The following TBC1D5 variants were observed in gnomAD, a reference collection of about 807,000 sequenced individuals.
TBC1D5 encodes the protein TBC1 domain family member 5, also known as TBC1 domain family, member 5.
A neutral mutation model predicts 100.3 loss-of-function variants in TBC1D5; 75 were observed. The ratio of observed to expected loss-of-function variants is 0.75; its 90% CI spans 0.62 to 0.91. The LOEUF is 0.91. Among genes scored for constraint, TBC1D5 ranks in the 40% least tolerant of loss-of-function variants. TBC1D5 has a pLI of 0.00. For missense variants in TBC1D5, 910 were observed against 942.4 expected (o/e 0.97, Z 0.45); for synonymous variants, 323 against 325.6 (o/e 0.99, Z 0.09).
intron 1 of TBC1D5, among the ~76,000 whole-genome samples, chr3:17,656,487 A>G (rs2066074639): frequency 1.3e-5 from 2 of 152,206 alleles, no homozygotes; most frequent in Non-Finnish European, 2.9e-5. Context: ...AGTTTATTTG[A>G]TATGTTCCCT....
intron 2 of TBC1D5, among the ~76,000 whole-genome samples, chr3:17,534,843 G>A (rs2096267440): frequency 6.6e-6 from 1 of 152,144 alleles, no homozygotes; most frequent in Non-Finnish European, 1.5e-5. Flanking sequence ...AGGGGGAGTA[G>A]TCCCACTTAA....
At chr3:17,671,831 G>C (rs1049162627) in intron 1 of TBC1D5, among the ~76,000 whole-genome samples, 1 of 152,162 alleles carries the variant, frequency 6.6e-6, no homozygotes, top group Non-Finnish European at 1.5e-5. Flanking sequence ...TTAAAACAGA[G>C]ATCATTTTTG....
intron 1 of TBC1D5, chr3:17,699,887 T>C (rs969914357): frequency 1.3e-5 from 2 of 151,796 alleles, no homozygotes; most frequent in African/African-American, 2.4e-5. Context: ...TACTTTAAAA[T>C]GGAAGTGAGA....
At chr3:17,301,452 C>T (rs2150377704) in intron 14 of TBC1D5, among the ~76,000 whole-genome samples, 1 of 152,316 alleles carries the variant, frequency 6.6e-6, no homozygotes, top group East Asian at 1.9e-4. Context: ...CAAATCCACC[C>T]CTCCAAGGTC....
chr3:17,674,836 A>G (rs2068417677), intron 1 of TBC1D5, among the ~76,000 whole-genome samples: 1 of 152,112 alleles, frequency 6.6e-6, no homozygotes, highest in Non-Finnish European at 1.5e-5. Context: ...AAATAAGGTC[A>G]CAAGGTGGGG....
At chr3:17,348,366 T>C (rs1221674903) in intron 13 of TBC1D5, among the ~76,000 whole-genome samples, 7 of 152,212 alleles carry the variant, frequency 4.6e-5, no homozygotes, top group African/African-American at 1.7e-4. Context: ...GCAAATCTCC[T>C]GGGCATCTTG....
chr3:17,445,596 T>C (rs2094771874), intron 3 of TBC1D5, among the ~76,000 whole-genome samples: 1 of 152,160 alleles, frequency 6.6e-6, no homozygotes, highest in Admixed American at 6.5e-5. Flanking sequence ...GGTCCAACAA[T>C]AGGTGAGAAT....
chr3:17,450,272 A>G (rs116186944), intron 3 of TBC1D5, among the ~76,000 whole-genome samples: 13,869 of 152,222 alleles, frequency 0.091, 1,430 homozygotes, highest in African/African-American at 0.26. Flanking sequence ...CCACGAAGAT[A>G]AGGAAAAAAC....
chr3:17,666,496 C>T (rs944331991), intron 1 of TBC1D5, among the ~76,000 whole-genome samples: 2 of 152,106 alleles, frequency 1.3e-5, no homozygotes, highest in African/African-American at 4.8e-5. Flanking sequence ...ATTATAAGCA[C>T]TCAAATAATT....
intron 2 of TBC1D5, among the ~76,000 whole-genome samples, chr3:17,595,289 G>C (rs889560672): frequency 6.6e-6 from 1 of 151,986 alleles, no homozygotes; most frequent in Non-Finnish European, 1.5e-5. Flanking sequence ...GAATACACTG[G>C]GTTAGAAATA....
chr3:17,424,645 A>G (rs990311854), intron 4 of TBC1D5, among the ~76,000 whole-genome samples: 15 of 152,202 alleles, frequency 9.9e-5, no homozygotes, highest in African/African-American at 3.6e-4. Context: ...AAATTTTCCA[A>G]AACAATATCT....
At chr3:17,585,345 A>C (rs2096726392) in intron 2 of TBC1D5, among the ~76,000 whole-genome samples, 1 of 152,234 alleles carries the variant, frequency 6.6e-6, no homozygotes, top group African/African-American at 2.4e-5. Flanking sequence ...CAGGATGCAC[A>C]TACAATTTAG....
intron 3 of TBC1D5, among the ~76,000 whole-genome samples, chr3:17,455,030 C>T (rs1450009745): frequency 6.6e-6 from 1 of 151,364 alleles, no homozygotes; most frequent in Non-Finnish European, 1.5e-5. Flanking sequence ...AAGCAGTCTG[C>T]AGATTCAATG....
intron 1 of TBC1D5, among the ~76,000 whole-genome samples, chr3:17,721,790 G>A (rs983228387): frequency 1.3e-5 from 2 of 152,056 alleles, no homozygotes; most frequent in African/African-American, 4.8e-5. Flanking sequence ...AGACCAGCCT[G>A]GGCAACATGG....
At chr3:17,356,822 G>A (rs547846677) in intron 13 of TBC1D5, among the ~76,000 whole-genome samples, 3 of 152,156 alleles carry the variant, frequency 2.0e-5, no homozygotes, top group Non-Finnish European at 4.4e-5. Context: ...TGGGTGTGGT[G>A]AGCTAGTCTC....
chr3:17,281,685 A>G (rs868466949), intron 15 of TBC1D5, among the ~76,000 whole-genome samples: 3 of 152,342 alleles, frequency 2.0e-5, no homozygotes, highest in South Asian at 2.1e-4. Flanking sequence ...GAGGGGACAG[A>G]TAAAATGTCA....
chr3:17,679,500 G>A (rs1270481507), intron 1 of TBC1D5, among the ~76,000 whole-genome samples: 1 of 151,368 alleles, frequency 6.6e-6, no homozygotes, highest in African/African-American at 2.5e-5. Context: ...TTAATGAGAT[G>A]CACAAATCTT....
intron 3 of TBC1D5, among the ~76,000 whole-genome samples, chr3:17,482,105 A>G (rs1218662308): frequency 6.6e-6 from 1 of 152,226 alleles, no homozygotes; most frequent in Admixed American, 6.5e-5. Flanking sequence ...CCTTCAGAAC[A>G]CAATTGTCTG....
chr3:17,692,120 C>A (rs2071265758), intron 1 of TBC1D5, among the ~76,000 whole-genome samples: 1 of 151,862 alleles, frequency 6.6e-6, no homozygotes, highest in Non-Finnish European at 1.5e-5. Context: ...TGAGATGAGG[C>A]CTCGTTCTGT....
Sources: allele counts gnomAD v4.1 joint callset (sites outside exome capture counted in the v4.1 genomes callset), GRCh38; gene constraint gnomAD v4.1.1; transcripts MANE v1.5; gene names NCBI Gene and HGNC (gene_info 2026-07-23, HGNC 2026-07-21).